C8orf34: variants seen among roughly 807,000 people sequenced by gnomAD.
The protein encoded by C8orf34 is chromosome 8 open reading frame 34.
Under a neutral mutation model 68.3 loss-of-function variants are expected in C8orf34, and 65 were observed. That is an observed-to-expected ratio of 0.95 (90% CI 0.78 to 1.17). The LOEUF is 1.17. C8orf34 is among the 50% of genes most tolerant of loss of function. The probability of loss-of-function intolerance (pLI) is 0.00; values close to 1 mark genes in which losing one functional copy is unlikely to be tolerated. For missense variants in C8orf34, 664 were observed against 655.4 expected (o/e 1.01, Z -0.14); for synonymous variants, 244 against 241.2 (o/e 1.01, Z -0.11).
chr8:68,754,105 T>A (rs1018898475), intron 10 of C8orf34, among the ~76,000 whole-genome samples: 7 of 149,462 alleles, frequency 4.7e-5, no homozygotes, highest in African/African-American at 1.8e-4. Flanking sequence ...GAAAAAAAAA[T>A]CACTTAAAAA....
At chr8:68,773,544 G>A (rs1484143307) in intron 10 of C8orf34, among the ~76,000 whole-genome samples, 1 of 152,030 alleles carries the variant, frequency 6.6e-6, no homozygotes, top group Non-Finnish European at 1.5e-5. Flanking sequence ...AGGATTACAG[G>A]TACACCACCA....
chr8:68,531,853 A>T (rs1343298867), intron 6 of C8orf34, among the ~76,000 whole-genome samples: 1 of 152,128 alleles, frequency 6.6e-6, no homozygotes, highest in Non-Finnish European at 1.5e-5. Flanking sequence ...ACAGCTTAGC[A>T]GCAGGGCTCC....
chr8:68,475,377 C>A (rs552619266), intron 4 of C8orf34, among the ~76,000 whole-genome samples: 9 of 152,294 alleles, frequency 5.9e-5, no homozygotes, highest in Non-Finnish European at 7.3e-5. Flanking sequence ...AGGGCAGAGC[C>A]ACTTTGCTCT....
At chr8:68,359,298 A>G (rs1300376440) in intron 1 of C8orf34, among the ~76,000 whole-genome samples, 3 of 152,136 alleles carry the variant, frequency 2.0e-5, no homozygotes, top group African/African-American at 4.8e-5. Flanking sequence ...TGAGCAACCC[A>G]TTCAATTTTC....
chr8:68,588,632 A>G (rs1817276455), intron 7 of C8orf34, among the ~76,000 whole-genome samples: 1 of 152,180 alleles, frequency 6.6e-6, no homozygotes, highest in African/African-American at 2.4e-5. Flanking sequence ...TATTAAGTTC[A>G]TGTGACAAAA....
intron 5 of C8orf34, among the ~76,000 whole-genome samples, chr8:68,504,682 ATTT>A (rs563414330): frequency 7.8e-6 from 1 of 128,872 alleles, no homozygotes; most frequent in Non-Finnish European, 1.7e-5. Flanking sequence ...ACCATGCCTA[ATTT>A]TTTTTTTTTT....
intron 8 of C8orf34, 63 bp from the exon 9 acceptor site, chr8:68,708,931 C>T (rs1821252185): frequency 8.6e-7 from 1 of 1,161,420 alleles, no homozygotes; most frequent in Non-Finnish European, 1.3e-6. Flanking sequence ...CCCCATGGTG[C>T]ATAGTTCACA....
At chr8:68,552,807 C>T (rs1176109810) in intron 7 of C8orf34, among the ~76,000 whole-genome samples, 1 of 151,336 alleles carries the variant, frequency 6.6e-6, no homozygotes, top group Non-Finnish European at 1.5e-5. Context: ...AAAATTTTGG[C>T]ATCTACGAGA....
chr8:68,362,644 C>T (rs895628416), intron 1 of C8orf34, among the ~76,000 whole-genome samples: 1 of 152,194 alleles, frequency 6.6e-6, no homozygotes, highest in Non-Finnish European at 1.5e-5. Flanking sequence ...ACTGACACCT[C>T]ACACGGCAGG....
At chr8:68,726,707 T>C (rs574830930) in intron 10 of C8orf34, among the ~76,000 whole-genome samples, 1 of 151,618 alleles carries the variant, frequency 6.6e-6, no homozygotes, top group South Asian at 2.1e-4. Context: ...TGGTGGGAGG[T>C]GAAAGACACT....
chr8:68,747,387 C>A (rs1378196742), intron 10 of C8orf34, among the ~76,000 whole-genome samples: 1 of 149,958 alleles, frequency 6.7e-6, no homozygotes, highest in African/African-American at 2.5e-5. Flanking sequence ...CTGGCCAGGG[C>A]AATTAGGCAG....
At chr8:68,333,284 G>A (rs1057177972) in intron 1 of C8orf34, among the ~76,000 whole-genome samples, 2 of 152,114 alleles carry the variant, frequency 1.3e-5, no homozygotes, top group African/African-American at 4.8e-5. Context: ...TCTCATAAAA[G>A]CTTTAGGTCC....
intron 7 of C8orf34, among the ~76,000 whole-genome samples, chr8:68,590,165 A>G (rs193112000): frequency 2.1e-5 from 3 of 145,174 alleles, no homozygotes; most frequent in African/African-American, 7.5e-5. Context: ...GGAAAGAAGG[A>G]AGGAGGAAAG....
intron 7 of C8orf34, among the ~76,000 whole-genome samples, chr8:68,574,773 T>G (rs972736766): frequency 6.6e-6 from 1 of 152,036 alleles, no homozygotes; most frequent in Non-Finnish European, 1.5e-5. Flanking sequence ...TAGCTTTATT[T>G]GTCAAAAATC....
At chr8:68,531,809 A>G (rs1429772992) in intron 6 of C8orf34, among the ~76,000 whole-genome samples, 1 of 152,116 alleles carries the variant, frequency 6.6e-6, no homozygotes, top group Non-Finnish European at 1.5e-5. Context: ...GTACATAGGA[A>G]GGTGGAATGG....
At chr8:68,412,272 C>G (rs1364414173) in intron 1 of C8orf34, among the ~76,000 whole-genome samples, 1 of 152,156 alleles carries the variant, frequency 6.6e-6, no homozygotes. Flanking sequence ...GGGATAATTT[C>G]TCTTTGAAAA....
intron 9 of C8orf34, among the ~76,000 whole-genome samples, chr8:68,717,213 C>T (rs1472673430): frequency 6.6e-6 from 1 of 152,056 alleles, no homozygotes; most frequent in Non-Finnish European, 1.5e-5. Flanking sequence ...TTTTATAAAG[C>T]TCCAAAAAGC....
At chr8:68,768,116 C>T (rs1039199658) in intron 10 of C8orf34, among the ~76,000 whole-genome samples, 6 of 152,188 alleles carry the variant, frequency 3.9e-5, no homozygotes, top group African/African-American at 1.4e-4. Flanking sequence ...TGATACATAG[C>T]AACACATGAC....
chr8:68,515,594 G>T (rs936012509), intron 5 of C8orf34, among the ~76,000 whole-genome samples: 7 of 151,956 alleles, frequency 4.6e-5, no homozygotes, highest in African/African-American at 1.7e-4. Context: ...AACAAAACTC[G>T]AGAGCCACAA....
Sources: allele counts gnomAD v4.1 joint callset (sites outside exome capture counted in the v4.1 genomes callset), GRCh38; gene constraint gnomAD v4.1.1; transcripts MANE v1.5; gene names NCBI Gene and HGNC (gene_info 2026-07-23, HGNC 2026-07-21).